The following STXBP6 variants were observed in gnomAD, a reference collection of about 807,000 sequenced individuals.
STXBP6 encodes the protein syntaxin binding protein 6.
A neutral mutation model predicts 26.9 loss-of-function variants in STXBP6; 21 were observed. The ratio of observed to expected loss-of-function variants is 0.78; its 90% CI spans 0.55 to 1.12. The LOEUF (loss-of-function observed/expected upper bound fraction) is 1.12, where lower values mean the gene tolerates loss of function less well. Ranked by LOEUF, STXBP6 falls within the 50% of genes most tolerant of loss-of-function variation. The pLI, the probability that STXBP6 is intolerant of heterozygous loss-of-function variation, is 0.00. For missense variants in STXBP6, 232 were observed against 257.9 expected, an observed-to-expected ratio of 0.90 and a Z score of 0.69; for synonymous variants, 97 against 92.6, an observed-to-expected ratio of 1.05 and a Z score of -0.27.
intron 4 of STXBP6, among the ~76,000 whole-genome samples, chr14:24,819,824 G>A (rs755079101): frequency 3.3e-5 from 5 of 152,148 alleles, no homozygotes; most frequent in African/African-American, 7.2e-5. Flanking sequence ...CTGTACCATG[G>A]CTCGGATGGT....
chr14:24,827,496 T>C (rs1050283378), intron 4 of STXBP6, among the ~76,000 whole-genome samples: 1 of 152,168 alleles, frequency 6.6e-6, no homozygotes, highest in Non-Finnish European at 1.5e-5. Flanking sequence ...TTAATGGCTC[T>C]TCTGTTCACC....
At chr14:25,003,046 T>C (rs1264477864) in intron 1 of STXBP6, among the ~76,000 whole-genome samples, 1 of 152,192 alleles carries the variant, frequency 6.6e-6, no homozygotes, top group Non-Finnish European at 1.5e-5. Context: ...GATTCTTAAA[T>C]GTAAAGGTCA....
rs1242812752 is a variant in STXBP6, at chr14:24,889,427, AG to A, written c.155-32271del. Among the ~76,000 whole-genome samples the A allele has an allele frequency of 4.9e-5, 4 of 82,052 alleles. No homozygotes were observed. In the Admixed American group the frequency reaches 6.7e-4, roughly 14 times the overall value. 53.8% of individuals were successfully genotyped at this position (82,052 alleles called of 152,430 possible). A position where few individuals can be genotyped will look rare whatever the true frequency, so the allele number is the denominator to read the frequency against. ...CTGGGGACTGTTGTGGGGTGGGGGGAGGGGGGAGGGATAGCATTAGGAGATA... is the reference window on the plus strand; with the variant it reads ...CTGGGGACTGTTGTGGGGTGGGGGGAGGGGGAGGGATAGCATTAGGAGATA... On this transcript the variant is annotated intron_variant, in intron 2 of 5. Coordinates refer to ENST00000323944, the MANE Select transcript of STXBP6 (RefSeq NM_001394410.1).
At chr14:24,975,685 T>TC (rs1566526656) in intron 1 of STXBP6, among the ~76,000 whole-genome samples, 1 of 152,104 alleles carries the variant, frequency 6.6e-6, no homozygotes, top group Non-Finnish European at 1.5e-5. Flanking sequence ...CACAGTGAGT[T>TC]CCCCCCAGAA....
chr14:24,976,045 A>G (rs539306715), intron 1 of STXBP6, among the ~76,000 whole-genome samples: 1 of 152,364 alleles, frequency 6.6e-6, no homozygotes, highest in African/African-American at 2.4e-5. Context: ...AGTTGATCAG[A>G]CTGCTGTAAA....
chr14:24,953,430 A>G (rs1388578151), intron 2 of STXBP6, among the ~76,000 whole-genome samples: 1 of 152,114 alleles, frequency 6.6e-6, no homozygotes, highest in Non-Finnish European at 1.5e-5. Flanking sequence ...CTGCAGTCAC[A>G]CTGGCCTTCT....
intron 4 of STXBP6, among the ~76,000 whole-genome samples, chr14:24,853,892 G>C (rs1212751582): frequency 6.6e-6 from 1 of 152,090 alleles, no homozygotes; most frequent in Non-Finnish European, 1.5e-5. Context: ...TGGTGGGGCT[G>C]TGTGGGAAGG....
intron 2 of STXBP6, among the ~76,000 whole-genome samples, chr14:24,959,961 T>C (rs1179015914): frequency 6.6e-6 from 1 of 152,204 alleles, no homozygotes; most frequent in Non-Finnish European, 1.5e-5. Context: ...TTACATCTAG[T>C]CCAAATCAAG....
chr14:24,929,926 T>C (rs548840288), intron 2 of STXBP6, among the ~76,000 whole-genome samples: 4 of 152,310 alleles, frequency 2.6e-5, no homozygotes, highest in South Asian at 4.1e-4. Context: ...CTAGAAAATA[T>C]GTAGCCTCCC....
chr14:24,861,953 G>C (rs1281195985), intron 2 of STXBP6, among the ~76,000 whole-genome samples: 1 of 152,098 alleles, frequency 6.6e-6, no homozygotes. Flanking sequence ...ATTCCCAATA[G>C]GACCCAAAGG....
At chr14:25,025,087 A>G (rs1644433901) in intron 1 of STXBP6, among the ~76,000 whole-genome samples, 1 of 152,198 alleles carries the variant, frequency 6.6e-6, no homozygotes, top group Non-Finnish European at 1.5e-5. Context: ...ACATTCATTA[A>G]AAAGAAAATG....
intron 2 of STXBP6, among the ~76,000 whole-genome samples, chr14:24,933,646 A>C (rs2072501259): frequency 6.6e-6 from 1 of 152,162 alleles, no homozygotes; most frequent in Non-Finnish European, 1.5e-5. Context: ...AACTGAGATT[A>C]TCTTGTGAAT....
At chr14:24,893,694 G>A (rs1314330444) in intron 2 of STXBP6, among the ~76,000 whole-genome samples, 1 of 152,208 alleles carries the variant, frequency 6.6e-6, no homozygotes. Context: ...TCAATGGTCA[G>A]TTACTTCATT....
At chr14:24,827,006 G>T (rs2068304939) in intron 4 of STXBP6, among the ~76,000 whole-genome samples, 1 of 152,116 alleles carries the variant, frequency 6.6e-6, no homozygotes, top group Non-Finnish European at 1.5e-5. Flanking sequence ...TTTGAGATCG[G>T]CCTGGGCAGC....
At chr14:24,972,641 ATTT>A (rs2073935693) in intron 2 of STXBP6, among the ~76,000 whole-genome samples, 3 of 152,212 alleles carry the variant, frequency 2.0e-5, no homozygotes, top group Non-Finnish European at 4.4e-5. Context: ...ATCAGTCTTT[ATTT>A]AAGTGTATTC....
At chr14:25,018,051 C>G (rs116592417) in intron 1 of STXBP6, among the ~76,000 whole-genome samples, 1 of 152,178 alleles carries the variant, frequency 6.6e-6, no homozygotes, top group Non-Finnish European at 1.5e-5. Flanking sequence ...ACACTGCCCC[C>G]CTGCTCAGCA....
chr14:24,891,310 G>C (rs1458431995), intron 2 of STXBP6, among the ~76,000 whole-genome samples: 2 of 152,204 alleles, frequency 1.3e-5, no homozygotes, highest in African/African-American at 4.8e-5. Context: ...TTGGGGGCTT[G>C]AGTCCATCTC....
intron 2 of STXBP6, among the ~76,000 whole-genome samples, 172 bp from the exon 3 acceptor site, chr14:24,857,329 C>T (rs544080901): frequency 1.3e-5 from 2 of 151,976 alleles, no homozygotes; most frequent in African/African-American, 2.4e-5. Context: ...CAGGGGTGAA[C>T]GTAAAGGAAA....
At chr14:24,904,634 C>G (rs2071325530) in intron 2 of STXBP6, among the ~76,000 whole-genome samples, 1 of 152,028 alleles carries the variant, frequency 6.6e-6, no homozygotes, top group South Asian at 2.1e-4. Flanking sequence ...GGAATGATAT[C>G]CTTGTAAGAG....
Sources: allele counts gnomAD v4.1 joint callset (sites outside exome capture counted in the v4.1 genomes callset), GRCh38; gene constraint gnomAD v4.1.1; transcripts MANE v1.5; gene names NCBI Gene and HGNC (gene_info 2026-07-23, HGNC 2026-07-21).